Variants in ATP8A1 observed in about 807,000 individuals in gnomAD.
ATP8A1 encodes the protein phospholipid-transporting ATPase IA.
Under a neutral mutation model 177.7 loss-of-function variants are expected in ATP8A1, and 90 were observed. That is an observed-to-expected ratio of 0.51 (90% CI 0.43 to 0.60). The LOEUF is 0.60. Among genes scored for constraint, ATP8A1 ranks in the 20% least tolerant of loss-of-function variants. The probability of loss-of-function intolerance (pLI) is 0.00; values close to 1 mark genes in which losing one functional copy is unlikely to be tolerated. For missense variants in ATP8A1, 1,072 were observed against 1,392.8 expected (o/e 0.77, Z 3.67); for synonymous variants, 493 against 485.9 (o/e 1.01, Z -0.19).
intron 5 of ATP8A1, among the ~76,000 whole-genome samples, chr4:42,607,169 A>C (rs1357864829): frequency 6.6e-6 from 1 of 152,196 alleles, no homozygotes; most frequent in Non-Finnish European, 1.5e-5. Context: ...CTCCCTAGAA[A>C]TGAGGACGTA....
intron 9 of ATP8A1, 48 bp downstream of exon 9, chr4:42,586,301 C>G (rs1457764593): frequency 2.5e-5 from 40 of 1,601,576 alleles, no homozygotes; most frequent in Middle Eastern, 3.3e-4. Flanking sequence ...CAGCAATACT[C>G]TATGACACAG....
chr4:42,485,547 C>T lies in ATP8A1; in HGVS notation c.2273G>A (p.Arg758Gln), dbSNP rs752026708. The change falls in exon 25 of 37, where the codon CGA becomes CAA. Residue 758 changes from arginine (R) to glutamine (Q), a missense_variant. Arg to Gln is a conservative substitution (Grantham distance 43). Coordinates refer to ENST00000381668, the MANE Select transcript of ATP8A1 (RefSeq NM_006095.2). ...CAAAGCTAAGTCCAGGAAATACTGT[C>T]GTACTCCAAAGGTTAAGGCATATTT... ...TLKYALTFGV[R>Q]QYFLDLALSC... The T allele has an allele frequency of 1.9e-6, 3 of 1,613,568 alleles. 1 individual carries two copies. The highest frequency in any genetic ancestry group is 2.2e-5 in the South Asian group (2 of 91,008).
intron 6 of ATP8A1, 99 bp downstream of exon 6, chr4:42,600,379 A>G (rs1735124725): frequency 1.1e-6 from 1 of 890,318 alleles, no homozygotes; most frequent in East Asian, 3.1e-5. Flanking sequence ...ATATTAGTAA[A>G]ATTCTTCACA....
intron 16 of ATP8A1, among the ~76,000 whole-genome samples, chr4:42,552,982 T>C (rs1365653622): frequency 6.6e-6 from 1 of 152,126 alleles, no homozygotes; most frequent in Admixed American, 6.5e-5. Flanking sequence ...TGAGACTCCG[T>C]CTCAAAACAA....
chr4:42,653,699 T>G (rs1175092830), intron 1 of ATP8A1, among the ~76,000 whole-genome samples: 2 of 152,236 alleles, frequency 1.3e-5, no homozygotes, highest in Non-Finnish European at 2.9e-5. Context: ...ATATTGGAGT[T>G]AGGCTTAAAT....
rs1157372519 is a variant in ATP8A1, at chr4:42,411,573, C to T, written c.*1343G>A. 2.0e-5 allele frequency: 3 copies of T among 152,166 alleles called. No individual in the cohort carries two copies. Among genetic ancestry groups the T allele is most frequent in the Non-Finnish European group, 2.9e-5 (2 of 68,032 alleles). The allele number at this position is 152,166 out of a possible 1,614,324, so 9.4% of individuals were successfully genotyped here. On this transcript the variant is annotated 3_prime_UTR_variant, in exon 37 of 37. Transcript: ENST00000381668. ...GGTTGTGGTTTTTAAACAGCCCCTT[C>T]ATTTACTGTTGGTAGCAAAATAGCC...
chr4:42,486,639 T>C (rs1722227606), intron 24 of ATP8A1, among the ~76,000 whole-genome samples: 1 of 152,200 alleles, frequency 6.6e-6, no homozygotes, highest in South Asian at 2.1e-4. Context: ...ACTCCATGAA[T>C]GAAGGGAAGA....
intron 5 of ATP8A1, among the ~76,000 whole-genome samples, chr4:42,605,152 T>C (rs577272675): frequency 6.8e-4 from 103 of 152,340 alleles, no homozygotes; most frequent in African/African-American, 2.2e-3. Context: ...TCCTTCAACA[T>C]GGTGAGTTAT....
intron 5 of ATP8A1, among the ~76,000 whole-genome samples, chr4:42,603,076 A>G (rs936445270): frequency 1.6e-4 from 24 of 152,272 alleles, no homozygotes; most frequent in African/African-American, 2.2e-4. Flanking sequence ...AAAAAAAACT[A>G]TAAGTGTCCA....
At position 42,422,916 on chromosome 4, in the gene ATP8A1, A is replaced by G; in HGVS notation, c.3213-17T>C. The G allele has an allele frequency of 6.3e-7, 1 of 1,587,114 alleles. No homozygotes were observed. Among genetic ancestry groups the G allele is most frequent in the Admixed American group, 1.7e-5 (1 of 57,790 alleles). ...CTCTTGATACTGCAAAAAGAAAAAA[A>G]AAGGGATTTGCATGGAAATACTTCT... On this transcript the variant is annotated splice_polypyrimidine_tract_variant and intron_variant, in intron 34 of 36. Coordinates refer to ENST00000381668, the MANE Select transcript of ATP8A1 (RefSeq NM_006095.2).
intron 29 of ATP8A1, among the ~76,000 whole-genome samples, chr4:42,454,716 AT>A (rs1253205121): frequency 6.6e-6 from 1 of 152,106 alleles, no homozygotes; most frequent in Non-Finnish European, 1.5e-5. Context: ...CCAGAATGTG[AT>A]TTTAGATAAA....
chr4:42,563,352 C>G (rs1731035100), intron 15 of ATP8A1, among the ~76,000 whole-genome samples: 1 of 152,200 alleles, frequency 6.6e-6, no homozygotes, highest in Admixed American at 6.5e-5. Context: ...AATTTCTAAG[C>G]AGCAAAGCAT....
intron 27 of ATP8A1, among the ~76,000 whole-genome samples, chr4:42,460,186 G>A (rs771833343): frequency 1.2e-4 from 18 of 151,992 alleles, no homozygotes; most frequent in Admixed American, 3.9e-4. Flanking sequence ...AATTTTACTA[G>A]CCTGACTCAT....
At chr4:42,555,134 TA>T (rs746305145) in intron 16 of ATP8A1, among the ~76,000 whole-genome samples, 1,416 of 83,822 alleles carry the variant, frequency 0.017, 34 homozygotes, top group African/African-American at 0.02. Context: ...TCTATCTATC[TA>T]TCTAATCTAT....
chr4:42,624,501 A>G, intron 4 of ATP8A1, 35 bp downstream of exon 4: 1 of 1,150,154 alleles, frequency 8.7e-7, no homozygotes, highest in Non-Finnish European at 1.2e-6. Context: ...TAAATAACAA[A>G]GTCACATACA....
At chr4:42,435,508 C>A (rs922589292) in intron 33 of ATP8A1, among the ~76,000 whole-genome samples, 2 of 148,312 alleles carry the variant, frequency 1.3e-5, no homozygotes, top group Non-Finnish European at 3.0e-5. Context: ...GATGGCACAA[C>A]GACTTTCATA....
chr4:42,627,173 A>G, intron 1 of ATP8A1, 64 bp from the exon 2 acceptor site: 4 of 1,187,996 alleles, frequency 3.4e-6, no homozygotes, highest in South Asian at 2.6e-5. Context: ...AACAGATTTC[A>G]TAACTAGTCT....
At chr4:42,621,079 C>G (rs773119021) in intron 4 of ATP8A1, among the ~76,000 whole-genome samples, 1 of 152,144 alleles carries the variant, frequency 6.6e-6, no homozygotes, top group South Asian at 2.1e-4. Flanking sequence ...TAGTAAAGAC[C>G]AATCCCTGTG....
chr4:42,581,844 A>G, intron 9 of ATP8A1, 112 bp from the exon 10 acceptor site: 1 of 755,766 alleles, frequency 1.3e-6, no homozygotes, highest in East Asian at 2.7e-5. Context: ...TCTCATATTT[A>G]TTTCTGGAAA....
Sources: gnomAD v4.1 joint callset for allele counts (sites outside exome capture counted in the v4.1 genomes callset) on GRCh38, gnomAD v4.1.1 for gene constraint, MANE v1.5 for transcripts, NCBI Gene and HGNC (gene_info 2026-07-23, HGNC 2026-07-21) for gene names.